The following TCN2 variants were observed in gnomAD, a reference collection of about 807,000 sequenced individuals.
TCN2 encodes transcobalamin-2.
Under a neutral mutation model 48.6 loss-of-function variants are expected in TCN2, and 34 were observed. That is an observed-to-expected ratio of 0.70 (90% CI 0.53 to 0.93). The LOEUF is 0.93. Ranked by LOEUF, TCN2 falls within the 40% of genes least tolerant of loss-of-function variation. TCN2 has a pLI of 0.00. For synonymous variants in TCN2, 283 were observed against 212.5 expected, an observed-to-expected ratio of 1.33 and a Z score of -2.89; for missense variants, 652 against 526.1, an observed-to-expected ratio of 1.24 and a Z score of -2.34.
chr22:30,615,815 C>G lies in TCN2; in HGVS notation c.940+28C>G. On this transcript the variant is annotated intron_variant, in intron 6 of 8. Coordinates refer to ENST00000215838, the MANE Select transcript of TCN2 (RefSeq NM_000355.4). ...AGCCCAACTTTTTGTGGAAGCACAG[C>G]CCTTTACAATCTGCTGCGCACCCAT... The G allele has an allele frequency of 1.9e-6, 3 of 1,613,526 alleles. No individual in the cohort carries two copies. In the South Asian group the frequency reaches 3.3e-5, roughly 18 times the overall value.
chr22:30,615,486 C>T lies in TCN2; in HGVS notation c.753+13C>T. On this transcript the variant is annotated intron_variant, in intron 5 of 8. Transcript: ENST00000215838. ...ATTGGCATTACAGGTGGGAAAGAGA[C>T]CCTGGAGCCATGGCCACCCTGGGGA... The T allele has an allele frequency of 2.5e-6, 4 of 1,613,794 alleles. No individual in the cohort carries two copies. Among genetic ancestry groups the T allele is most frequent in the Non-Finnish European group, 2.5e-6 (3 of 1,179,894 alleles).
In TCN2 at chr22:30,611,046, C is replaced by T. The variant is rs762351844; in HGVS notation, c.240C>T (p.Tyr80=). ...DLYLHSLKLG[Y]QQCLLGSAFS... is the part of the protein sequence containing the mutation. ...ACCTGCACAGCCTCAAGCTTGGTTA[C>T]CAGCAGTGCCTCCTAGGGTATTGCC... Residue 80 remains tyrosine, a synonymous_variant, in exon 2 of 9, where the codon TAC becomes TAT. Coordinates refer to ENST00000215838, the MANE Select transcript of TCN2 (RefSeq NM_000355.4). 3 of 1,613,978 alleles carry T rather than the reference C, an allele frequency of 1.9e-6. No individual in the cohort carries two copies. The highest frequency in any genetic ancestry group is 2.2e-5 in the South Asian group (2 of 91,090).
At chr22:30,612,226 CAG>C (rs561422076) in intron 2 of TCN2, among the ~76,000 whole-genome samples, 1 of 151,228 alleles carries the variant, frequency 6.6e-6, no homozygotes, top group Non-Finnish European at 1.5e-5. Flanking sequence ...GCCTGGGAGA[CAG>C]AGAGACCCTA....
At position 30,615,358 on chromosome 22, in the gene TCN2, C is replaced by T. The variant is rs774581238; in HGVS notation, c.638C>T (p.Pro213Leu). 16 of 1,614,092 alleles carry T rather than the reference C, an allele frequency of 9.9e-6. No homozygotes were observed. In the African/African-American group the frequency reaches 2.0e-4, roughly 20 times the overall value. The change falls in exon 5 of 9, where the codon CCT (proline) becomes CTT (leucine). Residue 213 changes from proline (P) to leucine (L), a missense_variant. Physicochemically the swap from Pro to Leu is moderately conservative, Grantham distance 98. Transcript: ENST00000215838. ...TGTCTGAAGCGCTCAAACTTCAACCCTGGTCGGAGACAACGGATCACCATG... is the reference window on the plus strand; with the variant it reads ...TGTCTGAAGCGCTCAAACTTCAACCTTGGTCGGAGACAACGGATCACCATG... ...FTCLKRSNFN[P>L]GRRQRITMAI...
intron 8 of TCN2, among the ~76,000 whole-genome samples, chr22:30,624,049 C>CACATATATGTATACATATAT (rs2087764654): frequency 2.9e-5 from 1 of 34,360 alleles, no homozygotes; most frequent in African/African-American, 2.5e-4. Context: ...TATATACACA[C>CACATATATGTATACATATAT]ACACACACAC....
intron 1 of TCN2, 129 bp downstream of exon 1, chr22:30,607,524 G>C: frequency 1.2e-6 from 1 of 853,664 alleles, no homozygotes; most frequent in Non-Finnish European, 1.9e-6. Flanking sequence ...CTGGACCTCA[G>C]CATTTAACAC....
chr22:30,612,709 T>C (rs762754583), intron 2 of TCN2, among the ~76,000 whole-genome samples, 164 bp from the exon 3 acceptor site: 12 of 152,248 alleles, frequency 7.9e-5, no homozygotes, highest in Admixed American at 1.3e-4. Context: ...ATTTGTGGCA[T>C]ACACCTCACA....
rs536849038 is a variant in TCN2 at position 30,609,576 on chromosome 22, AAG to A, written c.65-1290_65-1289del. 7.8e-3 allele frequency among the ~76,000 whole-genome samples: 757 copies of A among 97,256 alleles called. 5 individuals carry two copies. Among genetic ancestry groups the A allele is most frequent in the South Asian group, 0.054 (130 of 2,426 alleles). 63.8% of individuals were successfully genotyped at this position (97,256 alleles called of 152,430 possible). A position where few individuals can be genotyped will look rare whatever the true frequency, so the allele number is the denominator to read the frequency against. On this transcript the variant is annotated intron_variant, in intron 1 of 8. Coordinates refer to ENST00000215838, the MANE Select transcript of TCN2 (RefSeq NM_000355.4). ...CGCGTTTCAAGAAAAGGGAAAAGGA[AAG>A]AGAGGTGAGGAGGGGGGCAGATGAC...
intron 5 of TCN2, 37 bp downstream of exon 5, chr22:30,615,510 G>A (rs533721307): frequency 8.7e-6 from 14 of 1,608,406 alleles, no homozygotes; most frequent in Non-Finnish European, 1.1e-5. Context: ...CCACCCTGGG[G>A]AACAGTCAGG....
rs773194378 is a variant in TCN2, at chr22:30,626,425, C to T, written c.1223-35C>T. On this transcript the variant is annotated intron_variant, in intron 8 of 8. Coordinates refer to ENST00000215838, the MANE Select transcript of TCN2 (RefSeq NM_000355.4). ...AGGTTGCGGGGTGCGATATTCTGCC[C>T]AATTCGCCCCTCCTTGCTCAATCTG... is the stretch of plus-strand genomic sequence containing the variant. 2.8e-5 allele frequency: 45 copies of T among 1,611,726 alleles called. No homozygotes were observed. The African/African-American group carries it at 4.7e-4, about 17-fold the overall frequency.
In TCN2 at chr22:30,626,844, C is replaced by T. The variant is rs1602059965; in HGVS notation, c.*323C>T. ...ACTCCTTGGCAAAAAACGGAGTCCGCAGGCCGCAGGTGTTGTGAAGACCAC... is the reference window on the plus strand; with the variant it reads ...ACTCCTTGGCAAAAAACGGAGTCCGTAGGCCGCAGGTGTTGTGAAGACCAC... On this transcript the variant is annotated 3_prime_UTR_variant, in exon 9 of 9. Coordinates refer to ENST00000215838, the MANE Select transcript of TCN2 (RefSeq NM_000355.4). The T allele has an allele frequency of 2.2e-6, 1 of 458,830 alleles. No individual in the cohort carries two copies. Among genetic ancestry groups the T allele is most frequent in the South Asian group, 2.2e-5 (1 of 45,772 alleles). 28.4% of individuals were successfully genotyped at this position (458,830 alleles called of 1,614,324 possible).
At chr22:30,617,736 C>G (rs1160395816) in intron 7 of TCN2, 1 of 545,334 alleles carries the variant, frequency 1.8e-6, no homozygotes, top group Non-Finnish European at 3.3e-6. Context: ...AATCCCAACT[C>G]TAACCAGCTA....
chr22:30,616,912 G>A (rs895068865), intron 6 of TCN2, among the ~76,000 whole-genome samples: 2 of 152,204 alleles, frequency 1.3e-5, no homozygotes, highest in African/African-American at 4.8e-5. Context: ...AAAAGAGTGG[G>A]ATCTGGGAGA....
intron 7 of TCN2, among the ~76,000 whole-genome samples, chr22:30,618,640 C>T (rs891102415): frequency 3.3e-5 from 5 of 150,044 alleles, no homozygotes; most frequent in African/African-American, 7.4e-5. Flanking sequence ...CATGGGCCTC[C>T]GTGCCCGGCC....
At chr22:30,614,873 C>T (rs1424474845) in intron 4 of TCN2, among the ~76,000 whole-genome samples, 1 of 152,110 alleles carries the variant, frequency 6.6e-6, no homozygotes, top group Non-Finnish European at 1.5e-5. Context: ...CGCACCACTG[C>T]CCTCCAGCCT....
intron 1 of TCN2, among the ~76,000 whole-genome samples, chr22:30,609,226 C>T (rs2087499309): frequency 6.6e-6 from 1 of 151,190 alleles, no homozygotes; most frequent in Admixed American, 6.6e-5. Flanking sequence ...TGGTTTCAAA[C>T]TCCTAGGGTC....
chr22:30,608,159 GCCCACGC>G (rs919468353), intron 1 of TCN2, among the ~76,000 whole-genome samples: 2 of 152,140 alleles, frequency 1.3e-5, no homozygotes, highest in African/African-American at 4.8e-5. Flanking sequence ...ACTTTGGGCC[GCCCACGC>G]GCCTTTTCTC....
chr22:30,624,049 C>CATATATATGTAT (rs1569047243), intron 8 of TCN2, among the ~76,000 whole-genome samples: 91 of 34,230 alleles, frequency 2.7e-3, no homozygotes, highest in Non-Finnish European at 3.5e-3. Context: ...TATATACACA[C>CATATATATGTAT]ACACACACAC....
At chr22:30,617,849 G>A in intron 7 of TCN2, 1 of 357,158 alleles carries the variant, frequency 2.8e-6, no homozygotes, top group South Asian at 2.6e-5. Flanking sequence ...AGAGATAGTG[G>A]CATGTGCTTT....
Sources: gnomAD v4.1 joint callset for allele counts (sites outside exome capture counted in the v4.1 genomes callset) on GRCh38, gnomAD v4.1.1 for gene constraint, MANE v1.5 for transcripts, NCBI Gene and HGNC (gene_info 2026-07-23, HGNC 2026-07-21) for gene names.